Variants in GPAM observed in about 807,000 individuals in gnomAD.
GPAM encodes the protein glycerol-3-phosphate acyltransferase, mitochondrial.
A neutral mutation model predicts 105.0 loss-of-function variants in GPAM; 56 were observed. The observed-to-expected ratio is 0.53, with a 90% CI of 0.43 to 0.67. The LOEUF is 0.67. GPAM is among the 30% of genes least tolerant of loss of function. GPAM has a pLI of 0.00. For missense variants in GPAM, 855 were observed against 989.8 expected (o/e 0.86, Z 1.83); for synonymous variants, 368 against 354.4 (o/e 1.04, Z -0.43).
chr10:112,158,427 C>A, intron 17 of GPAM, 34 bp from the exon 18 acceptor site: 1 of 1,253,552 alleles, frequency 8.0e-7, no homozygotes, highest in Non-Finnish European at 1.2e-6. Flanking sequence ...ATAAATGCCA[C>A]CATTTTATAC....
chr10:112,150,008 C>T lies in GPAM; in HGVS notation c.*3542G>A. On this transcript the variant is annotated 3_prime_UTR_variant, in exon 22 of 22. Transcript: ENST00000348367. ...TATTTCACAGTACCTTATAGTAATT[C>T]TTTTCACGAGTCTTAACATTTCTTT... 1.0e-6 allele frequency: 1 copy of T among 984,558 alleles called. No individual in the cohort carries two copies. The highest frequency in any genetic ancestry group is 1.2e-6 in the Non-Finnish European group (1 of 828,816). The allele number at this position is 984,558 out of a possible 1,614,324, so 61.0% of individuals were successfully genotyped here.
intron 1 of GPAM, among the ~76,000 whole-genome samples, chr10:112,207,893 C>G (rs567062608): frequency 6.6e-6 from 1 of 152,338 alleles, no homozygotes; most frequent in South Asian, 2.1e-4. Flanking sequence ...ATGCTCCTTA[C>G]AGCTAAATAT....
chr10:112,222,064 G>C, the GPAM span, among the ~76,000 whole-genome samples: 2 of 152,196 alleles, frequency 1.3e-5, no homozygotes, highest in Non-Finnish European at 2.9e-5. Context: ...ACAAGAGAGA[G>C]GATGTGGGTG....
chr10:112,201,324 A>G (rs1847794764), intron 1 of GPAM, among the ~76,000 whole-genome samples: 1 of 152,222 alleles, frequency 6.6e-6, no homozygotes, highest in Non-Finnish European at 1.5e-5. Flanking sequence ...AACAAATATC[A>G]TAGAATAAGG....
At position 112,160,694 on chromosome 10, in the gene GPAM, T is replaced by A; in HGVS notation, c.1669A>T (p.Ile557Phe). 1 of 1,613,890 alleles carries A rather than the reference T, an allele frequency of 6.2e-7. No individual in the cohort carries two copies. The highest frequency in any genetic ancestry group is 1.1e-5 in the South Asian group (1 of 91,076). ...GATGGGACAGTTGTGCTGGGGGTGA[T>A]AAAAAACTCATCGTTCCTGCTAGTG... Reference protein sequence around the residue: ...THTSRNDEFFITPSTTVPSVF... With the variant: ...THTSRNDEFFFTPSTTVPSVF... The change falls in exon 16 of 22, where the codon ATC (isoleucine) becomes TTC (phenylalanine). Residue 557 changes from isoleucine (I) to phenylalanine (F), a missense_variant. Physicochemically the swap from Ile to Phe is conservative, Grantham distance 21 (BLOSUM62 0). Coordinates refer to ENST00000348367, the MANE Select transcript of GPAM (RefSeq NM_001244949.2).
chr10:112,226,760 C>T, the GPAM span, among the ~76,000 whole-genome samples: 1 of 152,278 alleles, frequency 6.6e-6, no homozygotes, highest in South Asian at 2.1e-4. Flanking sequence ...GGAACGTGTT[C>T]TGCTACTTGA....
Position 112,175,660 on chromosome 10 carries a change from C to T in GPAM, c.353G>A (p.Arg118Gln). The change falls in exon 6 of 22, where the codon CGA (arginine) becomes CAA (glutamine). Residue 118 changes from arginine to glutamine, a missense_variant. By Grantham distance (43) the Arg-to-Gln change is conservative (BLOSUM62 1). Coordinates refer to ENST00000348367, the MANE Select transcript of GPAM (RefSeq NM_001244949.2). Reference sequence around the variant, plus strand: ...GGCAAACATGCCCTTATGCACATCTCGCTCTTGAATAAAAAGAACGTAAGA... The same window carrying T: ...GGCAAACATGCCCTTATGCACATCTTGCTCTTGAATAAAAAGAACGTAAGA... ...RLSYVLFIQE[R>Q]DVHKGMFATN... is the part of the protein sequence containing the mutation. 2.5e-6 allele frequency: 4 copies of T among 1,613,522 alleles called. No homozygotes were observed. Among genetic ancestry groups the T allele is most frequent in the Non-Finnish European group, 3.4e-6 (4 of 1,179,480 alleles).
chr10:112,179,497 G>A (rs1432996445), intron 4 of GPAM, among the ~76,000 whole-genome samples: 1 of 152,206 alleles, frequency 6.6e-6, no homozygotes, highest in African/African-American at 2.4e-5. Context: ...CAACAAGGTA[G>A]TTGTGGTTTA....
upstream of GPAM, among the ~76,000 whole-genome samples, chr10:112,216,416 T>C (rs1847968793): frequency 6.6e-6 from 1 of 152,092 alleles, no homozygotes; most frequent in Non-Finnish European, 1.5e-5. Context: ...TGGCAGGGAC[T>C]GGTGAAGAGG....
rs143946136 is a variant in GPAM, at chr10:112,180,548, T to C, written c.150A>G (p.Lys50=). The C allele has an allele frequency of 8.7e-5, 140 of 1,612,482 alleles. No individual in the cohort carries two copies. The Middle Eastern group carries it at 1.2e-3, about 13-fold the overall frequency. Residue 50 remains lysine (K), a synonymous_variant, in exon 4 of 22, where the codon AAA becomes AAG. Transcript: ENST00000348367. ...TCCGACTCATTAGGCTTTCTTTCCA[T>C]TTTAAAGTTGCAGATCTGAAGATGG... ...RPTIFRSATL[K]WKESLMSRKR...
chr10:112,207,446 A>G (rs77126241), intron 1 of GPAM, among the ~76,000 whole-genome samples: 7,230 of 152,266 alleles, frequency 0.047, 273 homozygotes, highest in African/African-American at 0.11. Flanking sequence ...AGCAGCCAGC[A>G]CAGGTTCCGA....
chr10:112,195,372 G>A (rs181615447), intron 1 of GPAM, among the ~76,000 whole-genome samples: 4 of 152,186 alleles, frequency 2.6e-5, no homozygotes, highest in Admixed American at 2.0e-4. Context: ...CTCCGTCCAC[G>A]TACTCTTTCG....
intron 1 of GPAM, among the ~76,000 whole-genome samples, chr10:112,197,050 C>A (rs1029460740): frequency 6.6e-5 from 10 of 152,116 alleles, no homozygotes; most frequent in African/African-American, 2.4e-4. Flanking sequence ...AAATCAAGAT[C>A]AATAATGTTG....
At chr10:112,226,477 G>A in the GPAM span, among the ~76,000 whole-genome samples, 1 of 152,144 alleles carries the variant, frequency 6.6e-6, no homozygotes, top group African/African-American at 2.4e-5. Flanking sequence ...AAGAAGCCCA[G>A]TTGCACCCTG....
At chr10:112,204,344 C>T (rs972228577) in intron 1 of GPAM, among the ~76,000 whole-genome samples, 6 of 149,598 alleles carry the variant, frequency 4.0e-5, no homozygotes, top group African/African-American at 7.4e-5. Context: ...TCTGGGGGCT[C>T]TTCTTGAAAT....
At chr10:112,193,571 G>A (rs1847687828) in intron 1 of GPAM, among the ~76,000 whole-genome samples, 1 of 152,196 alleles carries the variant, frequency 6.6e-6, no homozygotes, top group Non-Finnish European at 1.5e-5. Flanking sequence ...CCATTTTTCA[G>A]ATGGGGAAAC....
chr10:112,178,646 C>G (rs1452113562), intron 4 of GPAM, among the ~76,000 whole-genome samples: 1 of 152,182 alleles, frequency 6.6e-6, no homozygotes, highest in Non-Finnish European at 1.5e-5. Context: ...CTCATCTCCA[C>G]CCTGAAAGAA....
At chr10:112,156,303 C>A (rs906900232) in intron 19 of GPAM, 4 of 505,598 alleles carry the variant, frequency 7.9e-6, no homozygotes, top group African/African-American at 3.9e-5. Context: ...CATTGAACAG[C>A]CACCTAGAAG....
At chr10:112,160,172 G>A (rs1351309224) in intron 16 of GPAM, 119 bp from the exon 17 acceptor site, 5 of 1,062,404 alleles carry the variant, frequency 4.7e-6, no homozygotes, top group Non-Finnish European at 7.0e-6. Flanking sequence ...TGTATTTGGA[G>A]AAATTTAAGT....
Sources: gnomAD v4.1 joint callset for allele counts (sites outside exome capture counted in the v4.1 genomes callset) on GRCh38, gnomAD v4.1.1 for gene constraint, MANE v1.5 for transcripts, NCBI Gene and HGNC (gene_info 2026-07-23, HGNC 2026-07-21) for gene names.